Variants in CDK13 observed in about 807,000 individuals in gnomAD.
The protein encoded by CDK13 is cyclin-dependent kinase 13.
In CDK13, 40 loss-of-function variants were observed where a neutral mutation model predicts 137.6. The observed-to-expected ratio is 0.29, with a 90% CI of 0.23 to 0.38. CDK13 has a LOEUF of 0.38. Ranked by LOEUF, CDK13 falls within the 10% of genes least tolerant of loss-of-function variation. The probability of loss-of-function intolerance (pLI) is 1.00; values close to 1 mark genes in which losing one functional copy is unlikely to be tolerated. For missense variants in CDK13, 1,704 were observed against 1,951.8 expected, an observed-to-expected ratio of 0.87 and a Z score of 2.39; for synonymous variants, 869 against 760.1, an observed-to-expected ratio of 1.14 and a Z score of -2.36.
intron 5 of CDK13, 74 bp downstream of exon 5, chr7:40,002,105 A>G (rs1784695713): frequency 1.0e-6 from 1 of 978,686 alleles, no homozygotes; most frequent in Admixed American, 2.4e-5. Flanking sequence ...TTTTTTTTAT[A>G]GATGTGACTA....
At chr7:40,026,619 CTACAAGG>C (rs1436812476) in intron 5 of CDK13, among the ~76,000 whole-genome samples, 3 of 152,174 alleles carry the variant, frequency 2.0e-5, no homozygotes, top group Non-Finnish European at 2.9e-5. Context: ...TTCACTTTGT[CTACAAGG>C]TACTTAAAGC....
intron 9 of CDK13, among the ~76,000 whole-genome samples, chr7:40,075,826 T>C (rs544304129): frequency 1.9e-4 from 29 of 152,212 alleles, no homozygotes; most frequent in Non-Finnish European, 4.0e-4. Context: ...CTGGGCAACA[T>C]AGCAAAAACC....
chr7:40,002,081 T>A, intron 5 of CDK13, 50 bp downstream of exon 5: 1 of 1,397,918 alleles, frequency 7.2e-7, no homozygotes, highest in Non-Finnish European at 9.7e-7. Flanking sequence ...TGATTGATGT[T>A]GCTAACTTGG....
rs530430656 is a variant in CDK13 at position 39,982,465 on chromosome 7, G to C, written c.1212-5134G>C. Among the ~76,000 whole-genome samples, 698 of 152,034 alleles carry C rather than the reference G, an allele frequency of 4.6e-3. 5 individuals are homozygous for C. The highest frequency in any genetic ancestry group is 0.015 in the African/African-American group (625 of 41,438). On this transcript the variant is annotated intron_variant, in intron 1 of 13. Coordinates refer to ENST00000181839, the MANE Select transcript of CDK13 (RefSeq NM_003718.5). ...AGTCTTTGCTATTGTGAATAGTGCC[G>C]CAGTAAACATACATGTGCATGTGTC...
At chr7:40,003,153 TACACAC>T (rs71560157) in intron 5 of CDK13, among the ~76,000 whole-genome samples, 1,600 of 119,782 alleles carry the variant, frequency 0.013, 22 homozygotes, top group South Asian at 0.023. Context: ...CTTCCCCAGC[TACACAC>T]ACACACACAC....
intron 1 of CDK13, among the ~76,000 whole-genome samples, chr7:39,960,413 G>A (rs1394809111): frequency 1.3e-5 from 2 of 151,550 alleles, no homozygotes; most frequent in Admixed American, 6.6e-5. Flanking sequence ...CCGTCACCAC[G>A]CTTGGCTAAT....
intron 1 of CDK13, chr7:39,984,644 C>T (rs1345354308): frequency 6.6e-6 from 1 of 152,034 alleles, no homozygotes. Flanking sequence ...ATCCAACTAT[C>T]CTCTTATGGT....
chr7:40,034,377 T>G (rs138947649), intron 5 of CDK13, among the ~76,000 whole-genome samples: 2 of 152,362 alleles, frequency 1.3e-5, no homozygotes, highest in East Asian at 1.9e-4. Flanking sequence ...CCTTTGCTTT[T>G]CTTTTGTTTT....
At chr7:40,077,972 A>G (rs748472824) in intron 9 of CDK13, 33 bp from the exon 10 acceptor site, 13 of 927,040 alleles carry the variant, frequency 1.4e-5, no homozygotes, top group South Asian at 5.6e-5. Context: ...TATGTAGTTG[A>G]TAGTGATGTA....
chr7:40,023,308 G>T (rs1785168516), intron 5 of CDK13, among the ~76,000 whole-genome samples: 1 of 151,862 alleles, frequency 6.6e-6, no homozygotes, highest in Non-Finnish European at 1.5e-5. Flanking sequence ...CAAGTGATTT[G>T]CCCACCTTGT....
chr7:40,065,588 T>C (rs1241563773), intron 9 of CDK13, among the ~76,000 whole-genome samples: 1 of 152,174 alleles, frequency 6.6e-6, no homozygotes, highest in Non-Finnish European at 1.5e-5. Flanking sequence ...TTGGACAAGC[T>C]TGCTTTAGAA....
intron 1 of CDK13, 71 bp from the exon 2 acceptor site, chr7:39,987,528 A>G: frequency 8.5e-7 from 1 of 1,171,612 alleles, no homozygotes; most frequent in Non-Finnish European, 1.2e-6. Context: ...AACTTGAATT[A>G]GCACTGTCTT....
chr7:40,095,714 CT>C lies in CDK13; in HGVS notation c.*738del, dbSNP rs373069545. The C allele has an allele frequency of 7.9e-5, 12 of 152,186 alleles. No individual in the cohort carries two copies. The East Asian group carries it at 2.3e-3, about 29-fold the overall frequency. The allele number at this position is 152,186 out of a possible 1,614,324, so 9.4% of individuals were successfully genotyped here. A position where few individuals can be genotyped will look rare whatever the true frequency, so the allele number is the denominator to read the frequency against. ...CTTAAGGTCTGAAAAAAATAGTTAA[CT>C]TTTACCCCCATTTGTCTTTTAAAGG... On this transcript the variant is annotated 3_prime_UTR_variant, in exon 14 of 14. Transcript: ENST00000181839.
At chr7:39,964,252 A>G (rs1038049937) in intron 1 of CDK13, among the ~76,000 whole-genome samples, 1 of 152,022 alleles carries the variant, frequency 6.6e-6, no homozygotes, top group African/African-American at 2.4e-5. Context: ...GTGGTCCTGG[A>G]CTTTTTTTGG....
intron 5 of CDK13, among the ~76,000 whole-genome samples, chr7:40,042,477 C>CTTTTTTTTTT (rs5883713): frequency 1.1e-4 from 8 of 76,148 alleles, no homozygotes; most frequent in East Asian, 3.5e-4. Flanking sequence ...TCTTTTCTTT[C>CTTTTTTTTTT]TTTTTTTTTT....
rs1376347186 is a variant in CDK13, at chr7:40,097,743, A to G, written c.*2763A>G. On this transcript the variant is annotated 3_prime_UTR_variant, in exon 14 of 14. Transcript: ENST00000181839. Reference sequence around the variant, plus strand: ...CAGGTTTTTCTGCATGCAACTCAGTATGTTTCCTACGTCTTCATTATTTGT... The same window carrying G: ...CAGGTTTTTCTGCATGCAACTCAGTGTGTTTCCTACGTCTTCATTATTTGT... 1 of 152,136 alleles carries G rather than the reference A, an allele frequency of 6.6e-6. No homozygotes were observed. Among genetic ancestry groups the G allele is most frequent in the African/African-American group, 2.4e-5 (1 of 41,458 alleles). The allele number at this position is 152,136 out of a possible 1,614,324, so 9.4% of individuals were successfully genotyped here.
At chr7:39,979,037 A>C (rs1400677285) in intron 1 of CDK13, among the ~76,000 whole-genome samples, 1 of 152,138 alleles carries the variant, frequency 6.6e-6, no homozygotes, top group Non-Finnish European at 1.5e-5. Context: ...GAGCTTGATG[A>C]AAGTTGTGAA....
rs1361755335 is a variant in CDK13 at position 39,950,264 on chromosome 7, G to A, written c.-378G>A. On this transcript the variant is annotated 5_prime_UTR_variant, in exon 1 of 14. Transcript: ENST00000181839. ...GCGGCGACGAAGGTGGTACTTCCGC[G>A]TTGCGCTGCCCGAGCCGAGAGCGCG... is the stretch of plus-strand genomic sequence containing the variant. 19 of 1,042,610 alleles carry A rather than the reference G, an allele frequency of 1.8e-5. No individual in the cohort carries two copies. The highest frequency in any genetic ancestry group is 2.0e-5 in the Non-Finnish European group (17 of 867,672). 64.6% of individuals were successfully genotyped at this position (1,042,610 alleles called of 1,614,324 possible).
chr7:39,976,312 C>CTCTCTCTCTCTCTCTCTT, intron 1 of CDK13, among the ~76,000 whole-genome samples: 6 of 99,530 alleles, frequency 6.0e-5, no homozygotes, highest in Non-Finnish European at 1.1e-4. Context: ...CTCTCTCTCT[C>CTCTCTCTCTCTCTCTCTT]TCTCTCTCTC....
Sources: gnomAD v4.1 joint callset for allele counts (sites outside exome capture counted in the v4.1 genomes callset) on GRCh38, gnomAD v4.1.1 for gene constraint, MANE v1.5 for transcripts, NCBI Gene and HGNC (gene_info 2026-07-23, HGNC 2026-07-21) for gene names.